The following PLPP4 variants were observed in gnomAD, a reference collection of about 807,000 sequenced individuals.
PLPP4 encodes the protein diacylglycerol pyrophosphate like 2.
A neutral mutation model predicts 32.2 loss-of-function variants in PLPP4; 20 were observed. The observed-to-expected ratio is 0.62, with a 90% confidence interval of 0.44 to 0.90. PLPP4 has a LOEUF of 0.90. Among genes scored for constraint, PLPP4 ranks in the 40% least tolerant of loss-of-function variants. The probability of loss-of-function intolerance (pLI) is 0.00; values close to 1 mark genes in which losing one functional copy is unlikely to be tolerated. For synonymous variants in PLPP4, 127 were observed against 133.0 expected (o/e 0.95, Z 0.31); for missense variants, 257 against 353.1 (o/e 0.73, Z 2.18).
chr10:120,457,067 G>T (rs908510396), upstream of PLPP4: 7 of 197,854 alleles, frequency 3.5e-5, no homozygotes, highest in Admixed American at 3.0e-4. Context: ...GCACTAGGAG[G>T]CGGGGTCCGC....
intron 3 of PLPP4, among the ~76,000 whole-genome samples, chr10:120,517,983 C>T (rs1308688969): frequency 6.6e-6 from 1 of 152,210 alleles, no homozygotes; most frequent in African/African-American, 2.4e-5. Flanking sequence ...GTGGATGGGG[C>T]ATCAATAGGT....
intron 5 of PLPP4, among the ~76,000 whole-genome samples, chr10:120,565,515 G>A (rs1015671604): frequency 4.6e-5 from 7 of 151,926 alleles, no homozygotes; most frequent in Admixed American, 2.0e-4. Flanking sequence ...TGATTTTTTG[G>A]ATCTTTTGAA....
intron 5 of PLPP4, among the ~76,000 whole-genome samples, chr10:120,538,052 C>CTCTCTGTGTGTGTG (rs1847142984): frequency 1.6e-4 from 3 of 18,992 alleles, no homozygotes; most frequent in South Asian, 2.0e-3. Flanking sequence ...CTCTCTCTCT[C>CTCTCTGTGTGTGTG]TGTGTGTGTG....
intron 6 of PLPP4, among the ~76,000 whole-genome samples, chr10:120,587,798 A>C (rs1032777744): frequency 6.6e-6 from 1 of 152,226 alleles, no homozygotes; most frequent in African/African-American, 2.4e-5. Flanking sequence ...CAGGGACATT[A>C]GTTTGTGACT....
intron 1 of PLPP4, among the ~76,000 whole-genome samples, chr10:120,483,740 C>T (rs1456538031): frequency 1.3e-5 from 2 of 152,126 alleles, no homozygotes; most frequent in Non-Finnish European, 2.9e-5. Context: ...CTATTAATTC[C>T]CATGACAGCT....
chr10:120,483,973 C>T (rs556409451), intron 1 of PLPP4, among the ~76,000 whole-genome samples: 2 of 152,226 alleles, frequency 1.3e-5, no homozygotes, highest in African/African-American at 4.8e-5. Flanking sequence ...TTCTCTATAG[C>T]AACACAAAAT....
chr10:120,582,416 G>T (rs1487279674), intron 6 of PLPP4, among the ~76,000 whole-genome samples: 2 of 151,966 alleles, frequency 1.3e-5, no homozygotes, highest in Non-Finnish European at 2.9e-5. Flanking sequence ...CTGTCTCTGT[G>T]TCCAAATTTC....
chr10:120,554,386 G>A (rs1848052429), intron 5 of PLPP4, among the ~76,000 whole-genome samples: 1 of 152,060 alleles, frequency 6.6e-6, no homozygotes, highest in South Asian at 2.1e-4. Flanking sequence ...TCAGCATTTT[G>A]GTCACAACAA....
rs1159469550 is a variant in PLPP4 at position 120,495,852 on chromosome 10, T to C, written c.57-7966T>C. ...TTGTAAGATAAACAGCCACTGTTTGTGGAGGCCTTCAGTGCCCCAGGTGCT... is the reference window on the plus strand; with the variant it reads ...TTGTAAGATAAACAGCCACTGTTTGCGGAGGCCTTCAGTGCCCCAGGTGCT... On this transcript the variant is annotated intron_variant, in intron 1 of 6. Coordinates refer to ENST00000398250, the MANE Select transcript of PLPP4 (RefSeq NM_001030059.3). Among the ~76,000 whole-genome samples the C allele has an allele frequency of 2.0e-5, 3 of 152,224 alleles. No individual in the cohort carries two copies. The East Asian group carries it at 5.8e-4, about 29-fold the overall frequency.
At chr10:120,504,324 C>T (rs1334143923) in intron 2 of PLPP4, among the ~76,000 whole-genome samples, 1 of 152,228 alleles carries the variant, frequency 6.6e-6, no homozygotes, top group African/African-American at 2.4e-5. Context: ...TTGGCTGGAG[C>T]CAGACCTCAC....
At chr10:120,552,207 T>TGTGTGTGA (rs1554893623) in intron 5 of PLPP4, among the ~76,000 whole-genome samples, 2 of 142,534 alleles carry the variant, frequency 1.4e-5, no homozygotes, top group South Asian at 4.5e-4. Context: ...TGTGTGTGTG[T>TGTGTGTGA]GATGTTATGT....
chr10:120,470,786 C>T (rs1238858825), intron 1 of PLPP4, among the ~76,000 whole-genome samples: 3 of 152,142 alleles, frequency 2.0e-5, no homozygotes, highest in South Asian at 2.1e-4. Context: ...GTACTCACCC[C>T]ACTCCACCCA....
intron 5 of PLPP4, among the ~76,000 whole-genome samples, chr10:120,563,760 A>ACTGCAGT (rs1848547866): frequency 1.0e-5 from 1 of 98,870 alleles, no homozygotes. Flanking sequence ...AGATTGCGCC[A>ACTGCAGT]CTGCAGTCCG....
chr10:120,540,301 A>G (rs1018579773), intron 5 of PLPP4, among the ~76,000 whole-genome samples: 6 of 152,208 alleles, frequency 3.9e-5, no homozygotes, highest in East Asian at 1.9e-4. Context: ...TGATGTTGCT[A>G]TGCTTCACAA....
intron 1 of PLPP4, among the ~76,000 whole-genome samples, chr10:120,474,869 A>G (rs886970137): frequency 1.3e-5 from 2 of 152,244 alleles, no homozygotes; most frequent in Admixed American, 6.5e-5. Flanking sequence ...TAGGAATTTT[A>G]TAATGCTTTC....
At position 120,469,517 on chromosome 10, in the gene PLPP4, G is replaced by A. The variant is rs146325633; in HGVS notation, c.56+12156G>A. Among the ~76,000 whole-genome samples the A allele has an allele frequency of 6.0e-3, 919 of 152,180 alleles. 21 individuals are homozygous for A. Among genetic ancestry groups the A allele is most frequent in the African/African-American group, 0.021 (855 of 41,530 alleles). ...GCTGGGATTACAGGCATGACACACC[G>A]TGCCCGGCCGCAACTATTTGAAGTA... On this transcript the variant is annotated intron_variant, in intron 1 of 6. Transcript: ENST00000398250.
chr10:120,563,698 G>A (rs1164393117), intron 5 of PLPP4, among the ~76,000 whole-genome samples: 3 of 143,646 alleles, frequency 2.1e-5, no homozygotes, highest in African/African-American at 7.8e-5. Context: ...TACTCGGGAG[G>A]CTGAGGCAGG....
intron 5 of PLPP4, among the ~76,000 whole-genome samples, chr10:120,525,513 G>A (rs1290650007): frequency 2.0e-5 from 3 of 152,208 alleles, no homozygotes; most frequent in African/African-American, 7.2e-5. Context: ...CCCTTGGGGA[G>A]AGTACAGGGT....
chr10:120,544,172 A>T (rs1211661639), intron 5 of PLPP4, among the ~76,000 whole-genome samples: 1 of 152,118 alleles, frequency 6.6e-6, no homozygotes, highest in African/African-American at 2.4e-5. Flanking sequence ...TCTGTTTTTA[A>T]TGTTTTGAGG....
Sources: gnomAD v4.1 joint callset for allele counts (sites outside exome capture counted in the v4.1 genomes callset) on GRCh38, gnomAD v4.1.1 for gene constraint, MANE v1.5 for transcripts, NCBI Gene and HGNC (gene_info 2026-07-23, HGNC 2026-07-21) for gene names.